Variants in PIK3C2G observed in about 807,000 individuals in gnomAD.
PIK3C2G encodes phosphatidylinositol 3-kinase C2 domain-containing subunit gamma.
PIK3C2G carries 168 observed loss-of-function variants against 181.1 expected under a neutral mutation model. That is an observed-to-expected ratio of 0.93 (90% CI 0.82 to 1.05). The LOEUF (loss-of-function observed/expected upper bound fraction) is 1.05, where lower values mean the gene tolerates loss of function less well. PIK3C2G is among the 50% of genes least tolerant of loss of function. PIK3C2G has a pLI of 0.00. For missense variants in PIK3C2G, 1,869 were observed against 1,732.8 expected (o/e 1.08, Z -1.40); for synonymous variants, 573 against 592.2 (o/e 0.97, Z 0.47).
At chr12:18,695,942 A>G in the PIK3C2G span, among the ~76,000 whole-genome samples, 1 of 151,850 alleles carries the variant, frequency 6.6e-6, no homozygotes, top group African/African-American at 2.4e-5. Flanking sequence ...CCATTCCCCA[A>G]ACCATCACTG....
chr12:18,652,238 C>G (rs980547), downstream of PIK3C2G, among the ~76,000 whole-genome samples: 97,569 of 151,838 alleles, frequency 0.64, 31,495 homozygotes, highest in Admixed American at 0.72. Flanking sequence ...TCCCCTAATT[C>G]GCCAGTCCCA....
rs916750580 is a variant in PIK3C2G at position 18,599,212 on chromosome 12, G to A, written c.4087+4643G>A. 5.5e-4 allele frequency among the ~76,000 whole-genome samples: 83 copies of A among 152,188 alleles called. 1 individual carries two copies. The highest frequency in any genetic ancestry group is 1.8e-3 in the African/African-American group (73 of 41,526). Reference sequence around the variant, plus strand: ...ACACATGCACACGTATGCTTATTGCGGCATTATTCACAATAGCAAAGACTT... The same window carrying A: ...ACACATGCACACGTATGCTTATTGCAGCATTATTCACAATAGCAAAGACTT... On this transcript the variant is annotated intron_variant, in intron 30 of 32. Transcript: ENST00000538779.
chr12:18,644,608 G>A (rs73071873), intron 32 of PIK3C2G, among the ~76,000 whole-genome samples: 1 of 152,058 alleles, frequency 6.6e-6, no homozygotes, highest in Non-Finnish European at 1.5e-5. Flanking sequence ...CACTCAGTAA[G>A]CTATAGTTAT....
chr12:18,340,232 A>G (rs113591034), intron 9 of PIK3C2G, among the ~76,000 whole-genome samples: 11 of 152,260 alleles, frequency 7.2e-5, no homozygotes, highest in African/African-American at 2.4e-4. Flanking sequence ...ATGTTGGAAG[A>G]ATTGTCTTGG....
intron 25 of PIK3C2G, among the ~76,000 whole-genome samples, chr12:18,540,883 G>C (rs1944115674): frequency 6.6e-6 from 1 of 151,808 alleles, no homozygotes; most frequent in South Asian, 2.1e-4. Context: ...CTCAGTTTCT[G>C]TTCATTTACC....
intron 31 of PIK3C2G, among the ~76,000 whole-genome samples, chr12:18,617,311 C>T (rs1224423446): frequency 3.3e-5 from 5 of 152,204 alleles, no homozygotes; most frequent in Admixed American, 1.3e-4. Flanking sequence ...TTCCTTGCTG[C>T]GTGACTTACA....
chr12:18,318,409 G>A (rs1390234072), intron 6 of PIK3C2G, among the ~76,000 whole-genome samples: 1 of 151,930 alleles, frequency 6.6e-6, no homozygotes, highest in Non-Finnish European at 1.5e-5. Context: ...TTTTACATAA[G>A]TAACCCTTGA....
chr12:18,544,315 T>C (rs115276138), intron 25 of PIK3C2G, among the ~76,000 whole-genome samples: 71 of 151,992 alleles, frequency 4.7e-4, no homozygotes, highest in African/African-American at 1.5e-3. Flanking sequence ...ATGAGGATTT[T>C]AGACTTTAGT....
At chr12:18,249,592 A>G (rs558579936) in intron 1 of PIK3C2G, among the ~76,000 whole-genome samples, 10 of 152,136 alleles carry the variant, frequency 6.6e-5, no homozygotes, top group Non-Finnish European at 1.3e-4. Context: ...TAGAGCCAAG[A>G]TCAATTAGTA....
At chr12:18,693,664 C>G in the PIK3C2G span, 8 of 1,565,986 alleles carry the variant, frequency 5.1e-6, no homozygotes, top group Non-Finnish European at 7.0e-6. Context: ...AAAGATATGA[C>G]TCCAATTCTG....
chr12:18,258,189 ATATT>A (rs1338477940), upstream of PIK3C2G, among the ~76,000 whole-genome samples: 5 of 152,170 alleles, frequency 3.3e-5, no homozygotes, highest in Non-Finnish European at 7.4e-5. Context: ...TATATTGTAT[ATATT>A]TATGGTGTAC....
chr12:18,414,381 T>A (rs1206233554), intron 16 of PIK3C2G, among the ~76,000 whole-genome samples: 1 of 152,164 alleles, frequency 6.6e-6, no homozygotes, highest in African/African-American at 2.4e-5. Context: ...CTATGACACC[T>A]CCATTCAGAT....
intron 15 of PIK3C2G, among the ~76,000 whole-genome samples, chr12:18,393,135 A>T (rs1268981936): frequency 6.6e-6 from 1 of 152,136 alleles, no homozygotes; most frequent in African/African-American, 2.4e-5. Flanking sequence ...AACAAATAAT[A>T]ATCATGGTAA....
chr12:18,712,908 G>C, the PIK3C2G span: 2 of 1,613,780 alleles, frequency 1.2e-6, no homozygotes, highest in East Asian at 4.5e-5. Flanking sequence ...TGAGTGTGTA[G>C]CCATGATATA....
At chr12:18,410,158 C>T (rs552658068) in intron 16 of PIK3C2G, among the ~76,000 whole-genome samples, 19 of 152,212 alleles carry the variant, frequency 1.2e-4, no homozygotes, top group South Asian at 4.1e-4. Flanking sequence ...ATAATAGAAA[C>T]ATTCACCAAC....
chr12:18,494,159 G>C (rs1049748040), intron 20 of PIK3C2G, among the ~76,000 whole-genome samples: 2 of 152,058 alleles, frequency 1.3e-5, no homozygotes, highest in Non-Finnish European at 2.9e-5. Context: ...CTAAGACTCT[G>C]ATTAATTCTT....
At chr12:18,618,738 G>A (rs1948714192) in intron 31 of PIK3C2G, among the ~76,000 whole-genome samples, 1 of 152,092 alleles carries the variant, frequency 6.6e-6, no homozygotes. Context: ...TCAATGAAAT[G>A]TTAGAAATTA....
chr12:18,279,796 AAAT>A (rs139256336), intron 1 of PIK3C2G, among the ~76,000 whole-genome samples: 11,811 of 152,074 alleles, frequency 0.078, 619 homozygotes, highest in South Asian at 0.12. Flanking sequence ...TAATAGCTTT[AAAT>A]AATATTTTGA....
At chr12:18,478,141 G>A (rs930413297) in intron 18 of PIK3C2G, among the ~76,000 whole-genome samples, 1 of 152,084 alleles carries the variant, frequency 6.6e-6, no homozygotes, top group African/African-American at 2.4e-5. Context: ...TTAAAAAAAG[G>A]ACTGAGCTGG....
Sources: gnomAD v4.1 joint callset for allele counts (sites outside exome capture counted in the v4.1 genomes callset) on GRCh38, gnomAD v4.1.1 for gene constraint, MANE v1.5 for transcripts, NCBI Gene and HGNC (gene_info 2026-07-23, HGNC 2026-07-21) for gene names.